The following SLC30A8 variants were observed in gnomAD, a reference collection of about 807,000 sequenced individuals.
SLC30A8 encodes the protein proton-coupled zinc antiporter SLC30A8.
In SLC30A8, 27 loss-of-function variants were observed where a neutral mutation model predicts 36.9. The ratio of observed to expected loss-of-function variants is 0.73; its 90% CI spans 0.54 to 1.01. The LOEUF (loss-of-function observed/expected upper bound fraction) is 1.01. Ranked by LOEUF, SLC30A8 falls within the 50% of genes least tolerant of loss-of-function variation. The pLI, the probability that SLC30A8 is intolerant of heterozygous loss-of-function variation, is 0.00. For missense variants in SLC30A8, 439 were observed against 452.0 expected (o/e 0.97, Z 0.26); for synonymous variants, 164 against 172.4 (o/e 0.95, Z 0.38).
chr8:117,039,575 T>C (rs549258097), intron 2 of SLC30A8, among the ~76,000 whole-genome samples: 1 of 152,314 alleles, frequency 6.6e-6, no homozygotes, highest in East Asian at 1.9e-4. Context: ...TCTTGTAATG[T>C]AATTGTCTTT....
At chr8:117,062,453 C>T (rs73315618) in intron 2 of SLC30A8, among the ~76,000 whole-genome samples, 15,085 of 152,144 alleles carry the variant, frequency 0.099, 1,272 homozygotes, top group African/African-American at 0.23. Context: ...AGACAGAGAG[C>T]GGGGAAGGTG....
intron 2 of SLC30A8, among the ~76,000 whole-genome samples, chr8:117,046,267 G>A (rs1817546421): frequency 6.6e-6 from 1 of 152,078 alleles, no homozygotes; most frequent in South Asian, 2.1e-4. Flanking sequence ...GAATTAGAGG[G>A]GTGGACCCCC....
At chr8:117,156,235 G>T (rs1313259521) in intron 3 of SLC30A8, among the ~76,000 whole-genome samples, 1 of 152,006 alleles carries the variant, frequency 6.6e-6, no homozygotes, top group Non-Finnish European at 1.5e-5. Flanking sequence ...TAGAGATGGG[G>T]TTTCACCGTG....
chr8:117,139,411 C>T lies in SLC30A8; in HGVS notation c.71+4013C>T, dbSNP rs181749970. ...ACCACGCGAGGAAGTAACGAAAAGGCAAGCATCTATTAGCCAGAAAGAGAA... is the reference window on the plus strand; with the variant it reads ...ACCACGCGAGGAAGTAACGAAAAGGTAAGCATCTATTAGCCAGAAAGAGAA... On this transcript the variant is annotated intron_variant, in intron 1 of 7. Transcript: ENST00000456015. Among the ~76,000 whole-genome samples the T allele has an allele frequency of 3.3e-5, 5 of 152,188 alleles. No homozygotes were observed. The East Asian group carries it at 9.7e-4, about 30-fold the overall frequency.
intron 2 of SLC30A8, among the ~76,000 whole-genome samples, chr8:117,068,684 C>G (rs1024636553): frequency 6.6e-6 from 1 of 152,096 alleles, no homozygotes; most frequent in African/African-American, 2.4e-5. Context: ...TCAAGCGATT[C>G]TCCTGCCTCA....
chr8:117,056,641 G>A (rs1002696637), intron 2 of SLC30A8, among the ~76,000 whole-genome samples: 13 of 152,146 alleles, frequency 8.5e-5, no homozygotes, highest in Non-Finnish European at 1.8e-4. Context: ...CTAAAGCCTG[G>A]TCAAGGAGGG....
intron 2 of SLC30A8, among the ~76,000 whole-genome samples, chr8:117,148,707 C>A (rs909418998): frequency 5.9e-5 from 9 of 152,110 alleles, no homozygotes; most frequent in Non-Finnish European, 1.2e-4. Flanking sequence ...CTACATGTCT[C>A]ATCAAGGTTT....
chr8:117,077,679 G>A (rs1178077359), intron 2 of SLC30A8, among the ~76,000 whole-genome samples: 3 of 152,220 alleles, frequency 2.0e-5, no homozygotes, highest in South Asian at 2.1e-4. Flanking sequence ...GGCATGACCT[G>A]TACATGCATT....
At chr8:117,015,243 C>G (rs1336390923) in intron 1 of SLC30A8, among the ~76,000 whole-genome samples, 1 of 152,020 alleles carries the variant, frequency 6.6e-6, no homozygotes, top group Non-Finnish European at 1.5e-5. Flanking sequence ...AGATTTAGGA[C>G]AAAAAACCAT....
chr8:117,060,854 G>T (rs1300424267), intron 2 of SLC30A8, among the ~76,000 whole-genome samples: 1 of 151,500 alleles, frequency 6.6e-6, no homozygotes, highest in African/African-American at 2.4e-5. Flanking sequence ...TCATCACTTT[G>T]TTTATTTATT....
chr8:117,120,645 C>T (rs1220957318), intron 2 of SLC30A8, among the ~76,000 whole-genome samples: 1 of 151,556 alleles, frequency 6.6e-6, no homozygotes, highest in Non-Finnish European at 1.5e-5. Flanking sequence ...CAACAAGGGA[C>T]ACAATCAACA....
In SLC30A8 at chr8:116,997,077, A is replaced by T. The variant is rs544658052; in HGVS notation, c.-265-42142A>T. ...AATATGTGTAGTGTTTCTGTCTCTA[A>T]GGAGCAGAATGATAGTTGGGCACAG... On this transcript the variant is annotated intron_variant, in intron 1 of 10. Coordinates refer to the SLC30A8 transcript ENST00000427715. Among the ~76,000 whole-genome samples, 3 of 152,204 alleles carry T rather than the reference A, an allele frequency of 2.0e-5. No individual in the cohort carries two copies. The East Asian group carries it at 5.8e-4, about 29-fold the overall frequency.
chr8:116,959,143 C>T (rs1230813163), intron 1 of SLC30A8, among the ~76,000 whole-genome samples: 1 of 152,056 alleles, frequency 6.6e-6, no homozygotes, highest in African/African-American at 2.4e-5. Context: ...GCAACCGTGC[C>T]CGGCCCACTC....
chr8:117,127,822 G>A (rs190353670), intron 2 of SLC30A8, among the ~76,000 whole-genome samples: 18 of 152,034 alleles, frequency 1.2e-4, no homozygotes, highest in East Asian at 7.8e-4. Flanking sequence ...TCCTTCCTCC[G>A]TCTTTATTCT....
At chr8:117,084,167 G>A (rs1158162873) in intron 2 of SLC30A8, among the ~76,000 whole-genome samples, 1 of 152,094 alleles carries the variant, frequency 6.6e-6, no homozygotes, top group East Asian at 1.9e-4. Context: ...GTTCCACACT[G>A]TGTTATTCTC....
At chr8:116,989,291 CTATT>C (rs1815551164) in intron 1 of SLC30A8, among the ~76,000 whole-genome samples, 1 of 152,082 alleles carries the variant, frequency 6.6e-6, no homozygotes, top group South Asian at 2.1e-4. Context: ...TGTTAGGTGT[CTATT>C]TATGCATCTA....
chr8:117,138,470 G>T (rs1448128967), intron 1 of SLC30A8, among the ~76,000 whole-genome samples: 2 of 151,972 alleles, frequency 1.3e-5, no homozygotes, highest in Non-Finnish European at 2.9e-5. Context: ...AGTGGATGTA[G>T]CCAAAAGACT....
intron 2 of SLC30A8, among the ~76,000 whole-genome samples, chr8:117,054,423 T>C (rs1817805244): frequency 6.6e-6 from 1 of 152,342 alleles, no homozygotes; most frequent in East Asian, 1.9e-4. Flanking sequence ...ATTTACCATC[T>C]GATTTAACCC....
intron 2 of SLC30A8, among the ~76,000 whole-genome samples, chr8:117,125,427 T>C (rs988543679): frequency 6.6e-6 from 1 of 152,146 alleles, no homozygotes; most frequent in East Asian, 1.9e-4. Context: ...AGCACTAACA[T>C]GTTAGGACTG....
Sources: gnomAD v4.1 joint callset for allele counts (sites outside exome capture counted in the v4.1 genomes callset) on GRCh38, gnomAD v4.1.1 for gene constraint, MANE v1.5 for transcripts, NCBI Gene and HGNC (gene_info 2026-07-23, HGNC 2026-07-21) for gene names.